Variants in TAX1BP3 observed in about 807,000 individuals in gnomAD.
The protein encoded by TAX1BP3 is Tax1 binding protein 3.
Under a neutral mutation model 15.3 loss-of-function variants are expected in TAX1BP3, and 13 were observed. The ratio of observed to expected loss-of-function variants is 0.85; its 90% CI spans 0.55 to 1.35. The LOEUF (loss-of-function observed/expected upper bound fraction) is 1.35. TAX1BP3 is among the 40% of genes most tolerant of loss of function. The pLI is 0.00. For missense variants in TAX1BP3, 147 were observed against 169.6 expected, an observed-to-expected ratio of 0.87 and a Z score of 0.74; for synonymous variants, 70 against 66.0, an observed-to-expected ratio of 1.06 and a Z score of -0.30.
chr17:3,667,010 A>C (rs1236786160), intron 1 of TAX1BP3, among the ~76,000 whole-genome samples: 4 of 152,140 alleles, frequency 2.6e-5, no homozygotes, highest in Admixed American at 1.3e-4. Flanking sequence ...CCTAAAGAGC[A>C]AACCTGGTGC....
intron 1 of TAX1BP3, among the ~76,000 whole-genome samples, chr17:3,667,742 C>G (rs1438049325): frequency 6.6e-6 from 1 of 152,220 alleles, no homozygotes; most frequent in African/African-American, 2.4e-5. Flanking sequence ...CTCTGTGACA[C>G]CGGCGTCTGA....
rs2076300083 is a variant in TAX1BP3 at position 3,663,093 on chromosome 17, AGTT to A, written c.*652_*654del. 1 of 152,252 alleles carries A rather than the reference AGTT, an allele frequency of 6.6e-6. No individual in the cohort carries two copies. Among genetic ancestry groups the A allele is most frequent in the Non-Finnish European group, 1.5e-5 (1 of 68,044 alleles). 9.4% of individuals were successfully genotyped at this position (152,252 alleles called of 1,614,324 possible). ...AAACTTGTGATTAAAAAAATACAAA[AGTT>A]AAACCCACAGGCAAAGAGGAAAATG... On this transcript the variant is annotated 3_prime_UTR_variant, in exon 4 of 4. Transcript: ENST00000225525.
chr17:3,663,765 G>T lies in TAX1BP3; in HGVS notation c.358C>A (p.Gln120Lys), dbSNP rs749730290. Residue 120 changes from glutamine to lysine, a missense_variant, in exon 4 of 4, where the codon CAG becomes AAG. Gln to Lys is a moderately conservative substitution (Grantham distance 53, BLOSUM62 1). Coordinates refer to ENST00000225525, the MANE Select transcript of TAX1BP3 (RefSeq NM_014604.4). ...TRQSLQKAVQ[Q>K]SMLS is the part of the protein sequence containing the mutation. ...GGTGGCTGCTAGGACAGCATGGACT[G>T]CTGCACGGCCTTCTGCAGCGACTGC... 8 of 1,604,726 alleles carry T rather than the reference G, an allele frequency of 5.0e-6. No individual in the cohort carries two copies. In the African/African-American group the frequency reaches 9.3e-5, roughly 19 times the overall value.
chr17:3,664,763 C>G lies in TAX1BP3; in HGVS notation c.75G>C (p.Glu25Asp). Residue 25 changes from glutamate to aspartate, a missense_variant, in exon 2 of 4, where the codon GAG (glutamate) becomes GAC (aspartate). Physicochemically the swap from Glu to Asp is conservative, Grantham distance 45 (BLOSUM62 2). Coordinates refer to ENST00000225525, the MANE Select transcript of TAX1BP3 (RefSeq NM_014604.4). ...RVEIHKLRQG[E>D]NLILGFSIGG... ...CAATGCTGAAACCCAGGATTAAGTT[C>G]TCACCTTGACGCAGCTTGTGAATTT... 1.2e-6 allele frequency: 2 copies of G among 1,613,924 alleles called. No homozygotes were observed. The highest frequency in any genetic ancestry group is 1.7e-6 in the Non-Finnish European group (2 of 1,179,980).
chr17:3,664,886 C>A, intron 1 of TAX1BP3, 88 bp from the exon 2 acceptor site: 1 of 1,542,212 alleles, frequency 6.5e-7, no homozygotes, highest in South Asian at 1.3e-5. Context: ...AGAGCCATGA[C>A]AAGGGGCTGG....
At position 3,663,153 on chromosome 17, in the gene TAX1BP3, C is replaced by A. The variant is rs955346793; in HGVS notation, c.*595G>T. ...CTGAGAGCTGCCCTGATAGGTGAGC[C>A]TCGAACCTCGTCTAAATCCGTAAGA... On this transcript the variant is annotated 3_prime_UTR_variant, in exon 4 of 4. Coordinates refer to ENST00000225525, the MANE Select transcript of TAX1BP3 (RefSeq NM_014604.4). 6.6e-6 allele frequency: 1 copy of A among 152,310 alleles called. No individual in the cohort carries two copies. The highest frequency in any genetic ancestry group is 2.4e-5 in the African/African-American group (1 of 41,468). The allele number at this position is 152,310 out of a possible 1,614,324, so 9.4% of individuals were successfully genotyped here.
Position 3,664,889 on chromosome 17 carries a change from G to A in TAX1BP3, c.40-91C>T. The A allele has an allele frequency of 3.9e-6, 6 of 1,534,640 alleles. No homozygotes were observed. In the South Asian group the frequency reaches 6.4e-5, roughly 16 times the overall value. Reference sequence around the variant, plus strand: ...AGCAGCAGCCTCAGAGCCATGACAAGGGGCTGGGTCCCAGGCCCCTGCAGG... The same window carrying A: ...AGCAGCAGCCTCAGAGCCATGACAAAGGGCTGGGTCCCAGGCCCCTGCAGG... On this transcript the variant is annotated intron_variant, in intron 1 of 3. Coordinates refer to ENST00000225525, the MANE Select transcript of TAX1BP3 (RefSeq NM_014604.4).
chr17:3,665,115 G>A (rs908481746), intron 1 of TAX1BP3: 20 of 728,392 alleles, frequency 2.7e-5, no homozygotes, highest in Middle Eastern at 6.9e-4. Context: ...TGGGAAGCCC[G>A]TCTCACAGGA....
At chr17:3,666,806 G>A (rs1338192689) in intron 1 of TAX1BP3, among the ~76,000 whole-genome samples, 9 of 152,134 alleles carry the variant, frequency 5.9e-5, no homozygotes, top group Non-Finnish European at 1.2e-4. Context: ...GTGAGGGAGG[G>A]GGGCAGGAAG....
intron 2 of TAX1BP3, 77 bp from the exon 3 acceptor site, chr17:3,664,349 A>T (rs1382796647): frequency 2.6e-6 from 4 of 1,543,270 alleles, no homozygotes; most frequent in Non-Finnish European, 2.7e-6. Context: ...CCAGCATGGC[A>T]CATTCTCAGC....
chr17:3,664,390 CAGCACATATGGTCAGTG>C, intron 2 of TAX1BP3, 118 bp from the exon 3 acceptor site: 1 of 1,226,948 alleles, frequency 8.2e-7, no homozygotes. Context: ...CAGCCTCTCC[CAGCACATATGGTCAGTG>C]AGGACTGTTC....
chr17:3,666,596 CT>C (rs1163550743), intron 1 of TAX1BP3, among the ~76,000 whole-genome samples: 2 of 152,108 alleles, frequency 1.3e-5, no homozygotes, highest in African/African-American at 2.4e-5. Context: ...GAAGAATGGC[CT>C]AAATGTCTTT....
intron 3 of TAX1BP3, 95 bp downstream of exon 3, chr17:3,664,100 T>C (rs1483894274): frequency 6.5e-7 from 1 of 1,542,918 alleles, no homozygotes; most frequent in Non-Finnish European, 8.9e-7. Flanking sequence ...GCAGTGAGTC[T>C]CTCCCAGCTG....
chr17:3,668,399 G>A lies in TAX1BP3; in HGVS notation c.39+89C>T. The A allele has an allele frequency of 1.3e-6, 2 of 1,502,578 alleles. No individual in the cohort carries two copies. Among genetic ancestry groups the A allele is most frequent in the African/African-American group, 1.4e-5 (1 of 71,194 alleles). 93.1% of individuals were successfully genotyped at this position (1,502,578 alleles called of 1,614,324 possible). A position where few individuals can be genotyped will look rare whatever the true frequency, so the allele number is the denominator to read the frequency against. On this transcript the variant is annotated intron_variant, in intron 1 of 3. Transcript: ENST00000225525. The surrounding 1 kb of genome is among the most constrained non-coding windows in gnomAD (Gnocchi z 4.1). The stretch of plus-strand genomic sequence containing the variant: ...GGTTCGCAGGAGCCCCGGGTTCGAT[G>A]CTCTGTCAACCTGCTTGGGGTGTCC...
Position 3,668,374 on chromosome 17 carries a change from G to A in TAX1BP3, c.39+114C>T. The A allele has an allele frequency of 7.3e-7, 1 of 1,362,692 alleles. No individual in the cohort carries two copies. The highest frequency in any genetic ancestry group is 9.8e-7 in the Non-Finnish European group (1 of 1,017,154). The allele number at this position is 1,362,692 out of a possible 1,614,324, so 84.4% of individuals were successfully genotyped here. ...AGCGGGGACCCGAGCCCTTGCCGCCGGTTCGCAGGAGCCCCGGGTTCGATG... is the reference window on the plus strand; with the variant it reads ...AGCGGGGACCCGAGCCCTTGCCGCCAGTTCGCAGGAGCCCCGGGTTCGATG... On this transcript the variant is annotated intron_variant, in intron 1 of 3. Transcript: ENST00000225525. This position sits in a 1 kb window ranked among gnomAD's most constrained non-coding sequence, Gnocchi z 4.1.
Position 3,668,170 on chromosome 17 carries a change from G to A in TAX1BP3, c.39+318C>T, listed in dbSNP as rs900049902. Among the ~76,000 whole-genome samples, 2 of 152,120 alleles carry A rather than the reference G, an allele frequency of 1.3e-5. No individual in the cohort carries two copies. Among genetic ancestry groups the A allele is most frequent in the African/African-American group, 4.8e-5 (2 of 41,426 alleles). On this transcript the variant is annotated intron_variant, in intron 1 of 3. Transcript: ENST00000225525. This position sits in a 1 kb window ranked among gnomAD's most constrained non-coding sequence, Gnocchi z 4.1. ...CGGCGCCCGCCCCCAGCAGCTCCCC[G>A]TCTGGGGACACGGAGGCCCGGGAAG...
In TAX1BP3 at chr17:3,668,396, G is replaced by A; in HGVS notation, c.39+92C>T. On this transcript the variant is annotated intron_variant, in intron 1 of 3. Coordinates refer to ENST00000225525, the MANE Select transcript of TAX1BP3 (RefSeq NM_014604.4). The surrounding 1 kb of genome is among the most constrained non-coding windows in gnomAD (Gnocchi z 4.1). ...GCCGGTTCGCAGGAGCCCCGGGTTC[G>A]ATGCTCTGTCAACCTGCTTGGGGTG... The A allele has an allele frequency of 2.0e-6, 3 of 1,492,478 alleles. No homozygotes were observed. Among genetic ancestry groups the A allele is most frequent in the South Asian group, 1.3e-5 (1 of 77,854 alleles). 92.5% of individuals were successfully genotyped at this position (1,492,478 alleles called of 1,614,324 possible).
chr17:3,665,955 C>T (rs948369120), intron 1 of TAX1BP3, among the ~76,000 whole-genome samples: 1 of 152,148 alleles, frequency 6.6e-6, no homozygotes, highest in Non-Finnish European at 1.5e-5. Context: ...CCAGACCCTG[C>T]TCTTGTGCAG....
chr17:3,667,631 T>C (rs2076356353), intron 1 of TAX1BP3, among the ~76,000 whole-genome samples: 1 of 152,220 alleles, frequency 6.6e-6, no homozygotes, highest in Non-Finnish European at 1.5e-5. Context: ...CTCTGAACGC[T>C]GTCGGGAGGT....
Sources: allele counts gnomAD v4.1 joint callset (sites outside exome capture counted in the v4.1 genomes callset), GRCh38; gene constraint gnomAD v4.1.1; non-coding constraint Gnocchi (gnomAD v3.1); transcripts MANE v1.5; gene names NCBI Gene and HGNC (gene_info 2026-07-23, HGNC 2026-07-21).